ECT2L: variants seen among roughly 807,000 people sequenced by gnomAD.
The protein encoded by ECT2L is epithelial cell transforming 2 like, also known as epithelial cell-transforming sequence 2 oncogene-like.
In ECT2L, 126 loss-of-function variants were observed where a neutral mutation model predicts 122.8. The observed-to-expected ratio is 1.03, with a 90% CI of 0.89 to 1.19. The LOEUF (loss-of-function observed/expected upper bound fraction) is 1.19, where lower values mean the gene tolerates loss of function less well. ECT2L is among the 50% of genes most tolerant of loss of function. ECT2L has a pLI of 0.00. For synonymous variants in ECT2L, 385 were observed against 381.8 expected (o/e 1.01, Z -0.10); for missense variants, 1,012 against 1,064.1 (o/e 0.95, Z 0.68).
At position 138,885,592 on chromosome 6, in the gene ECT2L, G is replaced by A. The variant is rs1271920403; in HGVS notation, c.2102+13G>A. The stretch of plus-strand genomic sequence containing the variant: ...CCAAAATGCTGAGGTACGTTCTGAG[G>A]GAGAGCACAGCAGGGGTCCCCCCAG... On this transcript the variant is annotated intron_variant, in intron 17 of 21. Transcript: ENST00000541398. 1.1e-5 allele frequency: 17 copies of A among 1,614,154 alleles called. No individual in the cohort carries two copies. The highest frequency in any genetic ancestry group is 1.4e-5 in the Non-Finnish European group (17 of 1,180,018).
intron 1 of ECT2L, among the ~76,000 whole-genome samples, chr6:138,806,802 T>C (rs1302452310): frequency 6.6e-6 from 1 of 151,988 alleles, no homozygotes; most frequent in Non-Finnish European, 1.5e-5. Flanking sequence ...CGTGAGCCAC[T>C]GCACCTGGCC....
chr6:138,817,144 G>A lies in ECT2L; in HGVS notation c.179+2541G>A, dbSNP rs551393536. On this transcript the variant is annotated intron_variant, in intron 4 of 21. Transcript: ENST00000541398. Reference sequence around the variant, plus strand: ...CATGTCAGTACTTCTTTCCTTTATTGCCAAATATTATCCCATTGTATGGAT... The same window carrying A: ...CATGTCAGTACTTCTTTCCTTTATTACCAAATATTATCCCATTGTATGGAT... Among the ~76,000 whole-genome samples, 16 of 152,162 alleles carry A rather than the reference G, an allele frequency of 1.1e-4. No individual in the cohort carries two copies. The South Asian group carries it at 1.2e-3, about 12-fold the overall frequency.
chr6:138,844,712 ATAAT>A (rs1412492270), intron 7 of ECT2L, 132 bp downstream of exon 7: 2 of 806,860 alleles, frequency 2.5e-6, no homozygotes, highest in Non-Finnish European at 3.8e-6. Flanking sequence ...ATCAGTAAAG[ATAAT>A]TAATTTTCTA....
intron 14 of ECT2L, 110 bp from the exon 15 acceptor site, chr6:138,880,847 C>T: frequency 1.1e-6 from 1 of 907,108 alleles, no homozygotes; most frequent in Non-Finnish European, 1.7e-6. Flanking sequence ...GTGAAGTCCC[C>T]TTCAACCTGA....
At chr6:138,880,551 T>C (rs900091503) in intron 14 of ECT2L, among the ~76,000 whole-genome samples, 4 of 152,064 alleles carry the variant, frequency 2.6e-5, no homozygotes, top group Non-Finnish European at 5.9e-5. Context: ...GAAAAAGAAA[T>C]AGGAAAACAA....
At chr6:138,808,134 T>C (rs1775773302) in intron 1 of ECT2L, among the ~76,000 whole-genome samples, 1 of 152,072 alleles carries the variant, frequency 6.6e-6, no homozygotes, top group Admixed American at 6.6e-5. Flanking sequence ...AATCAATATC[T>C]TCACAGATGT....
At chr6:138,865,969 G>A (rs1258808096) in intron 12 of ECT2L, among the ~76,000 whole-genome samples, 3 of 152,242 alleles carry the variant, frequency 2.0e-5, no homozygotes, top group African/African-American at 4.8e-5. Context: ...GCTGTAACAC[G>A]CAAGCGTGCA....
intron 13 of ECT2L, among the ~76,000 whole-genome samples, chr6:138,873,894 G>GTGTGTGTGTGTGTGTGTGTGTGTA (rs1554277002): frequency 3.6e-3 from 530 of 145,898 alleles, no homozygotes; most frequent in African/African-American, 0.013. Context: ...GTGTGTGTGT[G>GTGTGTGTGTGTGTGTGTGTGTGTA]TGTGTGTGTG....
chr6:138,852,640 C>T (rs1208361088), intron 9 of ECT2L, among the ~76,000 whole-genome samples: 1 of 152,084 alleles, frequency 6.6e-6, no homozygotes, highest in Non-Finnish European at 1.5e-5. Flanking sequence ...TTGGCAGAAA[C>T]GAATTGACGT....
At chr6:138,850,015 C>T (rs1777377998) in intron 9 of ECT2L, among the ~76,000 whole-genome samples, 1 of 151,756 alleles carries the variant, frequency 6.6e-6, no homozygotes. Flanking sequence ...ACTCTGTGCC[C>T]ACTGAAAAAA....
At chr6:138,855,955 G>A (rs1432069907) in intron 10 of ECT2L, among the ~76,000 whole-genome samples, 3 of 152,194 alleles carry the variant, frequency 2.0e-5, no homozygotes, top group African/African-American at 7.2e-5. Flanking sequence ...ATTGTCTCAA[G>A]TGAAACTTAA....
At chr6:138,871,827 A>C (rs191286795) in intron 13 of ECT2L, among the ~76,000 whole-genome samples, 7 of 152,006 alleles carry the variant, frequency 4.6e-5, no homozygotes, top group East Asian at 3.9e-4. Context: ...ACAAAAAAAA[A>C]CAAAACAACA....
At chr6:138,827,224 T>C (rs1776481630) in intron 4 of ECT2L, among the ~76,000 whole-genome samples, 1 of 152,148 alleles carries the variant, frequency 6.6e-6, no homozygotes, top group Non-Finnish European at 1.5e-5. Flanking sequence ...GGCGCATGCC[T>C]GTAATCCCAG....
chr6:138,866,870 TGAGACCA>T (rs1347191409), intron 12 of ECT2L, among the ~76,000 whole-genome samples: 2 of 151,902 alleles, frequency 1.3e-5, no homozygotes, highest in Non-Finnish European at 2.9e-5. Context: ...CTCAGGAGTT[TGAGACCA>T]GCCTGGGCAA....
chr6:138,821,603 T>C (rs146202865), intron 4 of ECT2L, among the ~76,000 whole-genome samples: 93 of 152,336 alleles, frequency 6.1e-4, no homozygotes, highest in South Asian at 2.5e-3. Context: ...CACCGCCAGA[T>C]AGAAATTAGG....
At chr6:138,876,333 A>G in intron 13 of ECT2L, 139 bp from the exon 14 acceptor site, 1 of 562,166 alleles carries the variant, frequency 1.8e-6, no homozygotes, top group Non-Finnish European at 3.2e-6. Context: ...ATTTGCAAGC[A>G]CTTAACTCAT....
rs557767566 is a variant in ECT2L, at chr6:138,810,279, C to G, written c.-243-2559C>G. On this transcript the variant is annotated intron_variant, in intron 1 of 21. Coordinates refer to ENST00000541398, the MANE Select transcript of ECT2L (RefSeq NM_001077706.3). ...AGAAAAAACTGAGAAAGACTTTGAG[C>G]AATAAATGATGCTGAAAACTATGTC... is the stretch of plus-strand genomic sequence containing the variant. Among the ~76,000 whole-genome samples the G allele has an allele frequency of 3.3e-5, 5 of 152,202 alleles. No individual in the cohort carries two copies. In the South Asian group the frequency reaches 1.0e-3, roughly 32 times the overall value.
At chr6:138,891,189 C>T (rs991833743) in intron 20 of ECT2L, among the ~76,000 whole-genome samples, 1 of 152,160 alleles carries the variant, frequency 6.6e-6, no homozygotes, top group African/African-American at 2.4e-5. Context: ...AAGTAAGATA[C>T]CAAATTCTAA....
chr6:138,833,459 G>A (rs560794418), intron 4 of ECT2L, among the ~76,000 whole-genome samples: 19 of 152,220 alleles, frequency 1.2e-4, no homozygotes, highest in African/African-American at 2.6e-4. Context: ...TACGGCCATC[G>A]GTATTTGTCA....
Sources: gnomAD v4.1 joint callset for allele counts (sites outside exome capture counted in the v4.1 genomes callset) on GRCh38, gnomAD v4.1.1 for gene constraint, MANE v1.5 for transcripts, NCBI Gene and HGNC (gene_info 2026-07-23, HGNC 2026-07-21) for gene names.